TCF12: variants seen among roughly 807,000 people sequenced by gnomAD.
TCF12 encodes the protein transcription factor 12.
Under a neutral mutation model 86.0 loss-of-function variants are expected in TCF12, and 45 were observed. That is an observed-to-expected ratio of 0.52 (90% CI 0.41 to 0.67). The LOEUF is 0.67. Among genes scored for constraint, TCF12 ranks in the 30% least tolerant of loss-of-function variants. TCF12 has a pLI of 0.00. For missense variants in TCF12, 881 were observed against 859.9 expected (o/e 1.02, Z -0.31); for synonymous variants, 330 against 299.6 (o/e 1.10, Z -1.05).
intron 3 of TCF12, among the ~76,000 whole-genome samples, chr15:57,037,720 A>G (rs1190132782): frequency 1.3e-5 from 2 of 152,330 alleles, no homozygotes; most frequent in East Asian, 3.9e-4. Context: ...GGTAGTATCA[A>G]TTTTAGTACT....
intron 6 of TCF12, among the ~76,000 whole-genome samples, chr15:57,184,806 A>G (rs1010623368): frequency 5.3e-5 from 8 of 152,212 alleles, no homozygotes; most frequent in African/African-American, 1.2e-4. Flanking sequence ...TATAACATCT[A>G]TGGGAGATTT....
intron 3 of TCF12, among the ~76,000 whole-genome samples, chr15:57,021,914 G>A (rs2065510498): frequency 6.6e-6 from 1 of 152,006 alleles, no homozygotes. Flanking sequence ...CTTGTACTGA[G>A]GGATGACTGT....
intron 19 of TCF12, chr15:57,278,723 T>TCCTTC (rs2061526269): frequency 2.6e-5 from 1 of 39,124 alleles, no homozygotes; most frequent in Non-Finnish European, 4.4e-5. Context: ...TCCCTCTCCC[T>TCCTTC]CCCTCCCCTC....
At chr15:56,966,017 A>G (rs545671746) in intron 3 of TCF12, among the ~76,000 whole-genome samples, 12 of 152,132 alleles carry the variant, frequency 7.9e-5, no homozygotes, top group Non-Finnish European at 1.6e-4. Context: ...ACAGTCATGA[A>G]TATTTGTTGT....
intron 5 of TCF12, among the ~76,000 whole-genome samples, chr15:57,160,989 C>G (rs2593247): frequency 0.011 from 1,610 of 152,274 alleles, 31 homozygotes; most frequent in African/African-American, 0.037. Flanking sequence ...AGCACCCGGC[C>G]AGAAGCTTGT....
chr15:57,204,893 A>G (rs1358892364), intron 8 of TCF12, among the ~76,000 whole-genome samples: 3 of 152,330 alleles, frequency 2.0e-5, no homozygotes, highest in South Asian at 2.1e-4. Context: ...AGTTAGAACT[A>G]TAGAGAAACT....
At chr15:57,231,025 AT>A in intron 8 of TCF12, 126 bp from the exon 9 acceptor site, 2 of 621,554 alleles carry the variant, frequency 3.2e-6, no homozygotes, top group South Asian at 2.2e-5. Context: ...TATTCTTTTC[AT>A]TTGTGGTAGC....
At chr15:57,128,911 A>AT (rs2051888823) in intron 5 of TCF12, among the ~76,000 whole-genome samples, 1 of 152,176 alleles carries the variant, frequency 6.6e-6, no homozygotes, top group Non-Finnish European at 1.5e-5. Context: ...TGGATATACC[A>AT]TTTTTTATTT....
chr15:56,990,533 A>G (rs2063399666), intron 3 of TCF12, among the ~76,000 whole-genome samples: 1 of 151,822 alleles, frequency 6.6e-6, no homozygotes, highest in South Asian at 2.1e-4. Flanking sequence ...TGGTGTTTCT[A>G]TTTTTCTTTG....
rs200513507 is a variant in TCF12 at position 57,219,634 on chromosome 15, G to C, written c.580-11518G>C. The C allele has an allele frequency of 1.6e-5, 26 of 1,586,856 alleles. No individual in the cohort carries two copies. The Admixed American group carries it at 2.0e-4, about 12-fold the overall frequency. On this transcript the variant is annotated intron_variant, in intron 8 of 20. Transcript: ENST00000333725. The stretch of plus-strand genomic sequence containing the variant: ...ATAGCTTCTAACTCACTTGTTTAAA[G>C]GAAAGCAGTATACATTACTCGCTTT...
chr15:57,067,538 CAAAAAAAAAAAA>C lies in TCF12; in HGVS notation c.222+3729_222+3740del, dbSNP rs141377160. ...TGGGCGACAGAGCGAGACTCCGTCT[CAAAAAAAAAAAA>C]AAAAAAAAAAAAAGAGTGGTTATAG... On this transcript the variant is annotated intron_variant, in intron 4 of 20. Coordinates refer to ENST00000333725, the MANE Select transcript of TCF12 (RefSeq NM_207037.2). 2.2e-4 allele frequency among the ~76,000 whole-genome samples: 13 copies of C among 58,560 alleles called. 2 individuals carry two copies. Among genetic ancestry groups the C allele is most frequent in the Admixed American group, 1.3e-3 (6 of 4,628 alleles). The allele number at this position is 58,560 out of a possible 152,430, so 38.4% of individuals were successfully genotyped here.
chr15:57,015,224 G>A (rs1433347805), intron 3 of TCF12, among the ~76,000 whole-genome samples: 3 of 152,180 alleles, frequency 2.0e-5, no homozygotes, highest in African/African-American at 7.2e-5. Flanking sequence ...GGAGGCAGAG[G>A]TTGCAGTGAG....
intron 3 of TCF12, among the ~76,000 whole-genome samples, chr15:57,047,006 A>G (rs1376911420): frequency 6.6e-6 from 1 of 152,216 alleles, no homozygotes; most frequent in Non-Finnish European, 1.5e-5. Context: ...ATAGGCAGAG[A>G]TGAATCTAAA....
chr15:57,219,720 C>CTTTT (rs11395092), intron 8 of TCF12: 83 of 295,790 alleles, frequency 2.8e-4, no homozygotes, highest in South Asian at 3.6e-4. Flanking sequence ...TTGTAGATTT[C>CTTTT]TTTTTTTTTT....
At chr15:57,005,316 G>A (rs1022335277) in intron 3 of TCF12, among the ~76,000 whole-genome samples, 1 of 152,076 alleles carries the variant, frequency 6.6e-6, no homozygotes, top group Non-Finnish European at 1.5e-5. Context: ...AAGAATTCTA[G>A]TATTGCATAT....
At position 56,953,892 on chromosome 15, in the gene TCF12, T is replaced by C. The variant is rs1355535022; in HGVS notation, c.148+32794T>C. On this transcript the variant is annotated intron_variant, in intron 3 of 20. Coordinates refer to ENST00000333725, the MANE Select transcript of TCF12 (RefSeq NM_207037.2). ...AGTTCCTTGGCCTTTTTTTTTTTTTTTCTCTATTTTTTCCCCCATTTCTTT... is the reference window on the plus strand; with the variant it reads ...AGTTCCTTGGCCTTTTTTTTTTTTTCTCTCTATTTTTTCCCCCATTTCTTT... Among the ~76,000 whole-genome samples, 5 of 151,462 alleles carry C rather than the reference T, an allele frequency of 3.3e-5. No homozygotes were observed. The East Asian group carries it at 5.8e-4, about 18-fold the overall frequency.
At chr15:57,052,714 T>G (rs2141592991) in intron 3 of TCF12, among the ~76,000 whole-genome samples, 1 of 152,056 alleles carries the variant, frequency 6.6e-6, no homozygotes, top group South Asian at 2.1e-4. Context: ...AGTAACAGTG[T>G]CATGTTATTT....
rs796714600 is a variant in TCF12, at chr15:56,926,009, C to T, written c.148+4911C>T. On this transcript the variant is annotated intron_variant, in intron 3 of 20. Coordinates refer to ENST00000333725, the MANE Select transcript of TCF12 (RefSeq NM_207037.2). ...AGATGGGAAATGGAGAAGGTCATTGCTCAGAAAAAGTGGAGACATTTCGTT... is the reference window on the plus strand; with the variant it reads ...AGATGGGAAATGGAGAAGGTCATTGTTCAGAAAAAGTGGAGACATTTCGTT... Among the ~76,000 whole-genome samples, 7 of 152,300 alleles carry T rather than the reference C, an allele frequency of 4.6e-5. 1 individual carries two copies. The highest frequency in any genetic ancestry group is 1.7e-4 in the African/African-American group (7 of 41,580).
Position 57,282,489 on chromosome 15 carries a change from G to A in TCF12, c.2023G>A (p.Glu675Lys). Residue 675 changes from glutamate (E) to lysine (K), a missense_variant, in exon 20 of 21, where the codon GAA becomes AAA. By Grantham distance (56) the Glu-to-Lys change is moderately conservative (BLOSUM62 1). Coordinates refer to ENST00000333725, the MANE Select transcript of TCF12 (RefSeq NM_207037.2). ...PKAACLKRRE[E>K]EKVSAVSAEP... Reference sequence around the variant, plus strand: ...AGCAGCCTGCCTTAAGAGAAGGGAAGAAGAAAAAGTTTCTGCCGTATCGGC... The same window carrying A: ...AGCAGCCTGCCTTAAGAGAAGGGAAAAAGAAAAAGTTTCTGCCGTATCGGC... 1 of 1,614,230 alleles carries A rather than the reference G, an allele frequency of 6.2e-7. No individual in the cohort carries two copies. Among genetic ancestry groups the A allele is most frequent in the Non-Finnish European group, 8.5e-7 (1 of 1,180,046 alleles).
Sources: allele counts gnomAD v4.1 joint callset (sites outside exome capture counted in the v4.1 genomes callset), GRCh38; gene constraint gnomAD v4.1.1; transcripts MANE v1.5; gene names NCBI Gene and HGNC (gene_info 2026-07-23, HGNC 2026-07-21).